The following SMIM33 variants were observed in gnomAD, a reference collection of about 807,000 sequenced individuals.
SMIM33 encodes the protein small integral membrane protein 33.
Position 139,473,319 on chromosome 5 carries a change from C to T in SMIM33, c.*398C>T, listed in dbSNP as rs1751568768. The T allele has an allele frequency of 6.4e-6, 1 of 156,338 alleles. No homozygotes were observed. The highest frequency in any genetic ancestry group is 2.1e-4 in the South Asian group (1 of 4,858). The allele number at this position is 156,338 out of a possible 1,614,324, so 9.7% of individuals were successfully genotyped here. ...AGAGGCCCCGTGGAGAGGCCCTCATCCTACAAAGGCCAGCCAGGGAGAGCC... is the reference window on the plus strand; with the variant it reads ...AGAGGCCCCGTGGAGAGGCCCTCATTCTACAAAGGCCAGCCAGGGAGAGCC... On this transcript the variant is annotated 3_prime_UTR_variant, in exon 2 of 2. Transcript: ENST00000637503.
At position 139,472,667 on chromosome 5, in the gene SMIM33, G is replaced by A. The variant is rs963384632; in HGVS notation, c.145G>A (p.Val49Ile). Reference sequence around the variant, plus strand: ...CGGGCTGCCTGTGGTCACCGTCATTGTCGCTGTCTTTGTTCTGCTGGCAGT... The same window carrying A: ...CGGGCTGCCTGTGGTCACCGTCATTATCGCTGTCTTTGTTCTGCTGGCAGT... ...VDGLPVVTVI[V>I]AVFVLLAVCI... Residue 49 changes from valine (V) to isoleucine (I), a missense_variant, in exon 2 of 2, where the codon GTC becomes ATC. Val to Ile is a conservative substitution (Grantham distance 29). Coordinates refer to ENST00000637503, the MANE Select transcript of SMIM33 (RefSeq NM_001365197.1). 2 of 400,764 alleles carry A rather than the reference G, an allele frequency of 5.0e-6. No individual in the cohort carries two copies. Among genetic ancestry groups the A allele is most frequent in the African/African-American group, 4.1e-5 (2 of 48,706 alleles). 24.8% of individuals were successfully genotyped at this position (400,764 alleles called of 1,614,324 possible).
chr5:139,473,434 G>GGGC lies in SMIM33; in HGVS notation c.*514_*516dup, dbSNP rs1751570813. On this transcript the variant is annotated 3_prime_UTR_variant, in exon 2 of 2. Transcript: ENST00000637503. Reference sequence around the variant, plus strand: ...TGTTCTCCTTGGGGCAGTCAGTCAGGGGCAGTCCTTCGGCTGTTAGGGCCC... The same window carrying GGGC: ...TGTTCTCCTTGGGGCAGTCAGTCAGGGGCGGCAGTCCTTCGGCTGTTAGGGCCC... 6.6e-6 allele frequency: 1 copy of GGGC among 152,386 alleles called. No homozygotes were observed. Among genetic ancestry groups the GGGC allele is most frequent in the Non-Finnish European group, 1.5e-5 (1 of 68,186 alleles). The allele number at this position is 152,386 out of a possible 1,614,324, so 9.4% of individuals were successfully genotyped here. A position where few individuals can be genotyped will look rare whatever the true frequency, so the allele number is the denominator to read the frequency against.
chr5:139,473,040 G>A lies in SMIM33; in HGVS notation c.*119G>A, dbSNP rs1029889878. 1.0e-5 allele frequency: 4 copies of A among 397,476 alleles called. No individual in the cohort carries two copies. The highest frequency in any genetic ancestry group is 1.8e-5 in the Non-Finnish European group (4 of 225,976). The allele number at this position is 397,476 out of a possible 1,614,324, so 24.6% of individuals were successfully genotyped here. On this transcript the variant is annotated 3_prime_UTR_variant, in exon 2 of 2. Transcript: ENST00000637503. Reference sequence around the variant, plus strand: ...GCGTCGGAAGGGCACACTGGACTCAGCTGGAGCTGCTCTCTCAGAACATTT... The same window carrying A: ...GCGTCGGAAGGGCACACTGGACTCAACTGGAGCTGCTCTCTCAGAACATTT...
Position 139,473,163 on chromosome 5 carries a change from A to G in SMIM33, c.*242A>G. 1 of 368,982 alleles carries G rather than the reference A, an allele frequency of 2.7e-6. No individual in the cohort carries two copies. The highest frequency in any genetic ancestry group is 3.9e-5 in the East Asian group (1 of 25,528). 22.9% of individuals were successfully genotyped at this position (368,982 alleles called of 1,614,324 possible). A position where few individuals can be genotyped will look rare whatever the true frequency, so the allele number is the denominator to read the frequency against. ...CCTTCCCAGGGCCCAAGGCCACCTCACAAAGTCCCTCCCTCCTCTTCAGGG... is the reference window on the plus strand; with the variant it reads ...CCTTCCCAGGGCCCAAGGCCACCTCGCAAAGTCCCTCCCTCCTCTTCAGGG... On this transcript the variant is annotated 3_prime_UTR_variant, in exon 2 of 2. Transcript: ENST00000637503.
intron 1 of SMIM33, among the ~76,000 whole-genome samples, chr5:139,472,014 C>T (rs971391485): frequency 4.6e-5 from 7 of 152,256 alleles, no homozygotes; most frequent in Non-Finnish European, 8.8e-5. Flanking sequence ...GTGGGGACAG[C>T]AGCCCATAGC....
In SMIM33 at chr5:139,472,733, C is replaced by A; in HGVS notation, c.211C>A (p.Gln71Lys). 2.5e-6 allele frequency: 1 copy of A among 400,876 alleles called. No homozygotes were observed. The highest frequency in any genetic ancestry group is 4.4e-6 in the Non-Finnish European group (1 of 226,292). The allele number at this position is 400,876 out of a possible 1,614,324, so 24.8% of individuals were successfully genotyped here. A position where few individuals can be genotyped will look rare whatever the true frequency, so the allele number is the denominator to read the frequency against. ...VAVHFGPRLH[Q>K]GHATLPTEPP... ...AGTCCATTTTGGGCCAAGGCTGCAC[C>A]AGGGCCATGCCACTCTCCCTACAGA... The change falls in exon 2 of 2, where the codon CAG (glutamine) becomes AAG (lysine). Residue 71 changes from glutamine to lysine, a missense_variant. By Grantham distance (53) the Gln-to-Lys change is moderately conservative (BLOSUM62 1). Transcript: ENST00000637503.
At chr5:139,472,295 C>CTCTGCCTTT (rs894404202) in intron 1 of SMIM33, among the ~76,000 whole-genome samples, 4 of 151,938 alleles carry the variant, frequency 2.6e-5, no homozygotes, top group African/African-American at 9.7e-5. Flanking sequence ...CTGTATCCCC[C>CTCTGCCTTT]TCTGCCTTTT....
At chr5:139,472,385 C>T (rs964849228) in intron 1 of SMIM33, 147 bp from the exon 2 acceptor site, 15 of 395,456 alleles carry the variant, frequency 3.8e-5, no homozygotes, top group African/African-American at 6.2e-5. Flanking sequence ...TTTACTCTGA[C>T]TTTTTGTCTT....
rs1751562571 is a variant in SMIM33, at chr5:139,473,025, G to A, written c.*104G>A. Reference sequence around the variant, plus strand: ...AGCCTGGGCATCAGAGCGTCGGAAGGGCACACTGGACTCAGCTGGAGCTGC... The same window carrying A: ...AGCCTGGGCATCAGAGCGTCGGAAGAGCACACTGGACTCAGCTGGAGCTGC... On this transcript the variant is annotated 3_prime_UTR_variant, in exon 2 of 2. Coordinates refer to ENST00000637503, the MANE Select transcript of SMIM33 (RefSeq NM_001365197.1). The A allele has an allele frequency of 2.5e-6, 1 of 397,860 alleles. No individual in the cohort carries two copies. The highest frequency in any genetic ancestry group is 3.6e-5 in the East Asian group (1 of 28,070). The allele number at this position is 397,860 out of a possible 1,614,324, so 24.6% of individuals were successfully genotyped here.
intron 1 of SMIM33, among the ~76,000 whole-genome samples, chr5:139,471,854 T>G (rs1288512443): frequency 1.3e-5 from 2 of 152,102 alleles, no homozygotes; most frequent in African/African-American, 4.8e-5. Context: ...TCACATCCCC[T>G]CTACCTCTAC....
chr5:139,472,855 T>A lies in SMIM33; in HGVS notation c.333T>A (p.Leu111=). The A allele has an allele frequency of 2.5e-6, 1 of 400,884 alleles. No individual in the cohort carries two copies. Among genetic ancestry groups the A allele is most frequent in the Non-Finnish European group, 4.4e-6 (1 of 226,314 alleles). The allele number at this position is 400,884 out of a possible 1,614,324, so 24.8% of individuals were successfully genotyped here. The part of the protein sequence containing the change: ...DSPEEAPPGP[L]VPGSCPAPDG... Reference sequence around the variant, plus strand: ...CTGAAGAAGCACCACCGGGCCCTCTTGTCCCTGGCTCCTGCCCTGCGCCAG... The same window carrying A: ...CTGAAGAAGCACCACCGGGCCCTCTAGTCCCTGGCTCCTGCCCTGCGCCAG... The change falls in exon 2 of 2, where the codon CTT becomes CTA. Residue 111 remains leucine, a synonymous_variant. Coordinates refer to ENST00000637503, the MANE Select transcript of SMIM33 (RefSeq NM_001365197.1).
Position 139,473,175 on chromosome 5 carries a change from C to T in SMIM33, c.*254C>T, listed in dbSNP as rs1241138195. 5.6e-6 allele frequency: 2 copies of T among 358,438 alleles called. No individual in the cohort carries two copies. Among genetic ancestry groups the T allele is most frequent in the Non-Finnish European group, 9.9e-6 (2 of 201,114 alleles). The allele number at this position is 358,438 out of a possible 1,614,324, so 22.2% of individuals were successfully genotyped here. A position where few individuals can be genotyped will look rare whatever the true frequency, so the allele number is the denominator to read the frequency against. ...CCAAGGCCACCTCACAAAGTCCCTC[C>T]CTCCTCTTCAGGGACCACCAGACCC... On this transcript the variant is annotated 3_prime_UTR_variant, in exon 2 of 2. Coordinates refer to ENST00000637503, the MANE Select transcript of SMIM33 (RefSeq NM_001365197.1).
At chr5:139,471,851 CCCTCTACCTCTA>C (rs991196291) in intron 1 of SMIM33, among the ~76,000 whole-genome samples, 1 of 152,124 alleles carries the variant, frequency 6.6e-6, no homozygotes, top group African/African-American at 2.4e-5. Context: ...AGTTCACATC[CCCTCTACCTCTA>C]CCTCTACCTC....
chr5:139,471,319 C>CA lies in SMIM33; in HGVS notation c.9+189_9+190insA, dbSNP rs1751532055. On this transcript the variant is annotated intron_variant, in intron 1 of 1. Coordinates refer to ENST00000637503, the MANE Select transcript of SMIM33 (RefSeq NM_001365197.1). ...GTAGGGTGGGGGGTGTGCCTTTCCA[C>CA]GAAGGGATGCATGTGGGAGATGGGA... Among the ~76,000 whole-genome samples, 14 of 152,218 alleles carry CA rather than the reference C, an allele frequency of 9.2e-5. No homozygotes were observed. The South Asian group carries it at 2.9e-3, about 32-fold the overall frequency.
At chr5:139,471,698 C>T (rs1399373614) in intron 1 of SMIM33, among the ~76,000 whole-genome samples, 1 of 152,130 alleles carries the variant, frequency 6.6e-6, no homozygotes, top group Admixed American at 6.5e-5. Flanking sequence ...AAGACTGGCA[C>T]AGGGTCTCCA....
In SMIM33 at chr5:139,472,421, G is replaced by A. The variant is rs755413360; in HGVS notation, c.10-111G>A. 4.1e-5 allele frequency: 9 copies of A among 218,736 alleles called. No homozygotes were observed. In the East Asian group the frequency reaches 6.0e-4, roughly 15 times the overall value. The allele number at this position is 218,736 out of a possible 1,614,324, so 13.5% of individuals were successfully genotyped here. A position where few individuals can be genotyped will look rare whatever the true frequency, so the allele number is the denominator to read the frequency against. ...TCTGTCTTTGTCTCTGGTCCCTCCC[G>A]CCCTCAACCCCCCGCCTCAGGTTCC... On this transcript the variant is annotated intron_variant, in intron 1 of 1. Coordinates refer to ENST00000637503, the MANE Select transcript of SMIM33 (RefSeq NM_001365197.1).
chr5:139,472,447 T>A, intron 1 of SMIM33, 85 bp from the exon 2 acceptor site: 7 of 348,488 alleles, frequency 2.0e-5, no homozygotes, highest in Admixed American at 4.8e-5. Context: ...CTCAGGTTCC[T>A]TTGGGTGTTT....
rs1581444300 is a variant in SMIM33, at chr5:139,471,048, C to T, written c.-74C>T. ...CAGACGTGGCAGCTCCGGGTAGGGG[C>T]TGAATTAGGGTGGCCAGCCCTCCTT... On this transcript the variant is annotated 5_prime_UTR_variant, in exon 1 of 2. Transcript: ENST00000637503. 3 of 398,766 alleles carry T rather than the reference C, an allele frequency of 7.5e-6. No individual in the cohort carries two copies. Among genetic ancestry groups the T allele is most frequent in the Non-Finnish European group, 1.3e-5 (3 of 226,190 alleles). The allele number at this position is 398,766 out of a possible 1,614,324, so 24.7% of individuals were successfully genotyped here. A position where few individuals can be genotyped will look rare whatever the true frequency, so the allele number is the denominator to read the frequency against.
rs1294648461 is a variant in SMIM33, at chr5:139,472,806, G to A, written c.284G>A (p.Arg95Gln). Residue 95 changes from arginine (R) to glutamine (Q), a missense_variant, in exon 2 of 2, where the codon CGG becomes CAG. Transcript: ENST00000637503. ...GGTGGCATCTACCTCATCCACTGGC[G>A]GGTGCTGGGCCCCCAAGACAGTCCT... ...PDGGIYLIHW[R>Q]VLGPQDSPEE... 7.2e-5 allele frequency: 29 copies of A among 400,792 alleles called. No homozygotes were observed. The highest frequency in any genetic ancestry group is 6.2e-4 in the Middle Eastern group (2 of 3,244). The allele number at this position is 400,792 out of a possible 1,614,324, so 24.8% of individuals were successfully genotyped here.
Sources: gnomAD v4.1 joint callset for allele counts (sites outside exome capture counted in the v4.1 genomes callset) on GRCh38, gnomAD v4.1.1 for gene constraint, MANE v1.5 for transcripts, NCBI Gene and HGNC (gene_info 2026-07-23, HGNC 2026-07-21) for gene names.